NFS1: variants seen among roughly 807,000 people sequenced by gnomAD.
The protein encoded by NFS1 is cysteine desulfurase.
In NFS1, 26 loss-of-function variants were observed where a neutral mutation model predicts 57.3. That is an observed-to-expected ratio of 0.45 (90% CI 0.33 to 0.63). The LOEUF (loss-of-function observed/expected upper bound fraction) is 0.63. Ranked by LOEUF, NFS1 falls within the 20% of genes least tolerant of loss-of-function variation. The pLI is 0.02. For synonymous variants in NFS1, 209 were observed against 216.3 expected (o/e 0.97, Z 0.30); for missense variants, 505 against 605.8 (o/e 0.83, Z 1.75).
chr20:35,680,491 A>T (rs1157399879), intron 7 of NFS1, among the ~76,000 whole-genome samples: 1 of 152,214 alleles, frequency 6.6e-6, no homozygotes, highest in Non-Finnish European at 1.5e-5. Context: ...CCAAATTAAG[A>T]TCTACATGCT....
Position 35,673,603 on chromosome 20 carries a change from G to C in NFS1, c.1218C>G (p.Ile406Met). ...ATGTTGCAGCTCAACTCACTGACCT[G>C]ATAGAAGAGTGCGCTAAATCCTCAT... ...GTDEDLAHSS[I>M]RFGIGRFTTE... Residue 406 changes from isoleucine (I) to methionine (M), a missense_variant and splice_region_variant, in exon 11 of 13, where the codon ATC becomes ATG. Coordinates refer to ENST00000374092, the MANE Select transcript of NFS1 (RefSeq NM_021100.5). 6.2e-7 allele frequency: 1 copy of C among 1,613,182 alleles called. No individual in the cohort carries two copies. The highest frequency in any genetic ancestry group is 1.1e-5 in the South Asian group (1 of 91,026).
At chr20:35,691,738 C>CAAAAAAAA (rs60402350) in intron 4 of NFS1, among the ~76,000 whole-genome samples, 9 of 18,156 alleles carry the variant, frequency 5.0e-4, no homozygotes, top group African/African-American at 1.2e-3. Context: ...GACTGCATCT[C>CAAAAAAAA]AAAAAAAAAA....
In NFS1 at chr20:35,673,692, G is replaced by T. The variant is rs572630501; in HGVS notation, c.1137-8C>A. On this transcript the variant is annotated splice_region_variant and splice_polypyrimidine_tract_variant and intron_variant, in intron 10 of 12. Coordinates refer to ENST00000374092, the MANE Select transcript of NFS1 (RefSeq NM_021100.5). Reference sequence around the variant, plus strand: ...GATGCAGAGGTGCAGGCACTGAGGAGAGAGACACGAACCTTGTTCAGTTCA... The same window carrying T: ...GATGCAGAGGTGCAGGCACTGAGGATAGAGACACGAACCTTGTTCAGTTCA... The T allele has an allele frequency of 6.2e-7, 1 of 1,610,488 alleles. No individual in the cohort carries two copies. Among genetic ancestry groups the T allele is most frequent in the African/African-American group, 1.3e-5 (1 of 74,968 alleles).
chr20:35,696,629 C>G (rs916744722), intron 3 of NFS1, among the ~76,000 whole-genome samples, 169 bp from the exon 4 acceptor site: 1 of 152,100 alleles, frequency 6.6e-6, no homozygotes, highest in Non-Finnish European at 1.5e-5. Context: ...TATCCCAGAT[C>G]CCAGGCTCTT....
chr20:35,696,299 T>C, intron 4 of NFS1, 78 bp downstream of exon 4: 3 of 951,450 alleles, frequency 3.2e-6, no homozygotes, highest in Admixed American at 3.4e-5. Context: ...GAAATACATA[T>C]ACGAGTCCAA....
chr20:35,699,301 A>G lies in NFS1; in HGVS notation c.-13T>C. The G allele has an allele frequency of 1.4e-6, 2 of 1,398,744 alleles. No individual in the cohort carries two copies. The highest frequency in any genetic ancestry group is 9.2e-7 in the Non-Finnish European group (1 of 1,084,158). 86.6% of individuals were successfully genotyped at this position (1,398,744 alleles called of 1,614,324 possible). ...CTCGGAGCAGCATGGTCCCGCTGGC[A>G]GAGCCCACCTTCCGAAGCCGCTGCA... On this transcript the variant is annotated 5_prime_UTR_variant, in exon 1 of 13. Coordinates refer to ENST00000374092, the MANE Select transcript of NFS1 (RefSeq NM_021100.5). This position sits in a 1 kb window ranked among gnomAD's most constrained non-coding sequence, Gnocchi z 4.4.
At chr20:35,679,425 G>A (rs933203695) in intron 7 of NFS1, among the ~76,000 whole-genome samples, 8 of 151,996 alleles carry the variant, frequency 5.3e-5, no homozygotes, top group African/African-American at 1.9e-4. Flanking sequence ...CTCGTGATCC[G>A]CCCGCCTTGG....
intron 4 of NFS1, among the ~76,000 whole-genome samples, chr20:35,691,738 CAAAAAAAAAAAAA>C (rs60402350): frequency 4.4e-4 from 8 of 18,152 alleles, no homozygotes; most frequent in South Asian, 3.0e-3. Context: ...GACTGCATCT[CAAAAAAAAAAAAA>C]AAAAAAAAAA....
Position 35,674,354 on chromosome 20 carries a change from C to G in NFS1, c.1132G>C (p.Gly378Arg). 1 of 1,613,994 alleles carries G rather than the reference C, an allele frequency of 6.2e-7. No individual in the cohort carries two copies. Among genetic ancestry groups the G allele is most frequent in the Non-Finnish European group, 8.5e-7 (1 of 1,179,960 alleles). Reference sequence around the variant, plus strand: ...TGTCTATGCCGTCCAGCTCACCTCCCTGAGGATAAGGCAACGTCCTTCAGT... The same window carrying G: ...TGTCTATGCCGTCCAGCTCACCTCCGTGAGGATAAGGCAACGTCCTTCAGT... Reference protein sequence around the residue: ...MALKDVALSSGSACTSASLEP... With the variant: ...MALKDVALSSRSACTSASLEP... The change falls in exon 10 of 13, where the codon GGG becomes CGG. Residue 378 changes from glycine (G) to arginine (R), a missense_variant. Physicochemically the swap from Gly to Arg is moderately radical, Grantham distance 125 (BLOSUM62 -2). Transcript: ENST00000374092.
chr20:35,681,867 G>A, intron 6 of NFS1, 21 bp downstream of exon 6: 1 of 1,429,426 alleles, frequency 7.0e-7, no homozygotes, highest in Non-Finnish European at 9.9e-7. Context: ...GCAGGGATCA[G>A]GGATAAGCCA....
rs151131305 is a variant in NFS1 at position 35,688,311 on chromosome 20, T to C, written c.561+2102A>G. ...GGCTCTTGCCTATAATCCCAGCACTTTGGGGGGCCAAGACGGGTGGATCAT... is the reference window on the plus strand; with the variant it reads ...GGCTCTTGCCTATAATCCCAGCACTCTGGGGGGCCAAGACGGGTGGATCAT... On this transcript the variant is annotated intron_variant, in intron 5 of 12. Coordinates refer to ENST00000374092, the MANE Select transcript of NFS1 (RefSeq NM_021100.5). Among the ~76,000 whole-genome samples, 697 of 151,502 alleles carry C rather than the reference T, an allele frequency of 4.6e-3. 1 individual carries two copies. The highest frequency in any genetic ancestry group is 0.016 in the African/African-American group (657 of 41,242).
Position 35,696,360 on chromosome 20 carries a change from T to G in NFS1, c.408+17A>C, listed in dbSNP as rs774961952. The G allele has an allele frequency of 4.5e-5, 71 of 1,579,850 alleles. 1 individual carries two copies. The South Asian group carries it at 7.2e-4, about 16-fold the overall frequency. ...GTCAGGAAAGCCCACATACACCCTCTGGTTCCCTTCTCTTACCTTAATTGC... is the reference window on the plus strand; with the variant it reads ...GTCAGGAAAGCCCACATACACCCTCGGGTTCCCTTCTCTTACCTTAATTGC... On this transcript the variant is annotated intron_variant, in intron 4 of 12. Transcript: ENST00000374092.
intron 12 of NFS1, among the ~76,000 whole-genome samples, chr20:35,670,842 A>G (rs1361057768): frequency 6.6e-6 from 1 of 152,232 alleles, no homozygotes; most frequent in Non-Finnish European, 1.5e-5. Flanking sequence ...ACACTTAAGC[A>G]ATACAGCTAG....
chr20:35,672,277 T>A (rs886391914), intron 12 of NFS1, among the ~76,000 whole-genome samples: 2 of 151,678 alleles, frequency 1.3e-5, no homozygotes, highest in African/African-American at 4.8e-5. Flanking sequence ...GGGACGGAGT[T>A]TGGCTCTTGT....
At chr20:35,684,411 T>TACATA (rs2034903376) in intron 5 of NFS1, among the ~76,000 whole-genome samples, 1 of 124,362 alleles carries the variant, frequency 8.0e-6, no homozygotes, top group African/African-American at 3.5e-5. Context: ...CCATCTCAAA[T>TACATA]AAATAAAATA....
chr20:35,674,508 A>G lies in NFS1; in HGVS notation c.1054+4T>C, dbSNP rs564899918. 7 of 1,613,666 alleles carry G rather than the reference A, an allele frequency of 4.3e-6. No homozygotes were observed. The South Asian group carries it at 5.5e-5, about 13-fold the overall frequency. On this transcript the variant is annotated splice_donor_region_variant and intron_variant, in intron 9 of 12. Coordinates refer to ENST00000374092, the MANE Select transcript of NFS1 (RefSeq NM_021100.5). Reference sequence around the variant, plus strand: ...GAATGAGGATAGAAAGAGCAAGTCCATACCGGGATAATGGTGCTTAGGGTC... The same window carrying G: ...GAATGAGGATAGAAAGAGCAAGTCCGTACCGGGATAATGGTGCTTAGGGTC...
chr20:35,670,979 A>G (rs2034643188), intron 12 of NFS1, among the ~76,000 whole-genome samples: 1 of 152,194 alleles, frequency 6.6e-6, no homozygotes, highest in Non-Finnish European at 1.5e-5. Context: ...AAGGTTAACC[A>G]AGACAGAGCC....
At chr20:35,682,123 A>C in intron 5 of NFS1, 142 bp from the exon 6 acceptor site, 5 of 503,198 alleles carry the variant, frequency 9.9e-6, no homozygotes, top group African/African-American at 1.9e-5. Flanking sequence ...ACAACACAAA[A>C]TGTTGGTGAG....
intron 11 of NFS1, 107 bp downstream of exon 11, chr20:35,673,494 G>A: frequency 2.3e-6 from 2 of 868,012 alleles, no homozygotes; most frequent in Non-Finnish European, 1.9e-6. Flanking sequence ...GAGATAAGGA[G>A]AACTCGACTG....
Sources: allele counts gnomAD v4.1 joint callset (sites outside exome capture counted in the v4.1 genomes callset), GRCh38; gene constraint gnomAD v4.1.1; non-coding constraint Gnocchi (gnomAD v3.1); transcripts MANE v1.5; gene names NCBI Gene and HGNC (gene_info 2026-07-23, HGNC 2026-07-21).